The following CMSS1 variants were observed in gnomAD, a reference collection of about 807,000 sequenced individuals.
CMSS1 encodes the protein protein CMSS1.
A neutral mutation model predicts 43.5 loss-of-function variants in CMSS1; 33 were observed. The observed-to-expected ratio is 0.76, with a 90% CI of 0.57 to 1.01. CMSS1 has a LOEUF of 1.01. Among genes scored for constraint, CMSS1 ranks in the 50% least tolerant of loss-of-function variants. The pLI is 0.00. For missense variants in CMSS1, 313 were observed against 326.4 expected, an observed-to-expected ratio of 0.96 and a Z score of 0.32; for synonymous variants, 115 against 117.2, an observed-to-expected ratio of 0.98 and a Z score of 0.12.
At chr3:100,079,280 G>A (rs1300250343) in intron 1 of CMSS1, among the ~76,000 whole-genome samples, 1 of 152,184 alleles carries the variant, frequency 6.6e-6, no homozygotes, top group Admixed American at 6.5e-5. Flanking sequence ...GTTGGTCGAA[G>A]TATTCAAAAA....
At chr3:99,841,003 A>G (rs1943106783) in intron 1 of CMSS1, among the ~76,000 whole-genome samples, 1 of 152,228 alleles carries the variant, frequency 6.6e-6, no homozygotes, top group African/African-American at 2.4e-5. Context: ...GCCCAGGTTA[A>G]TAAGCTCTTC....
chr3:99,876,338 CGT>C, intron 1 of CMSS1: 1 of 447,444 alleles, frequency 2.2e-6, no homozygotes, highest in South Asian at 9.4e-5. Context: ...ATGTTCCGGC[CGT>C]GTGAACGGAC....
At chr3:100,136,674 T>C (rs1559768241) in intron 1 of CMSS1, among the ~76,000 whole-genome samples, 1 of 152,170 alleles carries the variant, frequency 6.6e-6, no homozygotes, top group Non-Finnish European at 1.5e-5. Context: ...AGCTGAGGTT[T>C]AGAGGGTAGG....
At chr3:99,971,803 C>T (rs953024722) in intron 1 of CMSS1, among the ~76,000 whole-genome samples, 5 of 152,176 alleles carry the variant, frequency 3.3e-5, no homozygotes, top group African/African-American at 9.7e-5. Context: ...AGAACAGAGT[C>T]GGTTCCTAGC....
chr3:99,944,182 G>C (rs1244957283), intron 1 of CMSS1, among the ~76,000 whole-genome samples: 1 of 152,206 alleles, frequency 6.6e-6, no homozygotes, highest in Admixed American at 6.5e-5. Flanking sequence ...TGCTAAACAA[G>C]TATTTTAAGA....
At chr3:99,830,765 C>T (rs1201200345) in intron 1 of CMSS1, among the ~76,000 whole-genome samples, 2 of 152,156 alleles carry the variant, frequency 1.3e-5, no homozygotes, top group African/African-American at 2.4e-5. Flanking sequence ...AAAAGAATGT[C>T]AGTAAAGTAA....
intron 1 of CMSS1, among the ~76,000 whole-genome samples, chr3:99,932,119 GT>G (rs924678375): frequency 1.3e-5 from 2 of 152,080 alleles, no homozygotes; most frequent in Non-Finnish European, 2.9e-5. Flanking sequence ...TTAGAAAACA[GT>G]TTTTAAGTAC....
chr3:100,074,675 A>ATTTTTTTTTTTTTTTT (rs555819875), intron 1 of CMSS1, among the ~76,000 whole-genome samples: 742 of 34,788 alleles, frequency 0.021, 282 homozygotes, highest in Middle Eastern at 0.05. Context: ...GCAACATTTG[A>ATTTTTTTTTTTTTTTT]TTTTTTTTTT....
At chr3:99,957,125 T>C (rs2107696492) in intron 1 of CMSS1, among the ~76,000 whole-genome samples, 1 of 152,358 alleles carries the variant, frequency 6.6e-6, no homozygotes, top group East Asian at 1.9e-4. Context: ...TACATTTATT[T>C]TTTATTTGAT....
intron 1 of CMSS1, among the ~76,000 whole-genome samples, chr3:100,137,147 C>G (rs1290980045): frequency 1.3e-5 from 2 of 152,222 alleles, no homozygotes; most frequent in African/African-American, 2.4e-5. Flanking sequence ...TAGTTCCCAG[C>G]CCTGGCCAAA....
intron 1 of CMSS1, among the ~76,000 whole-genome samples, chr3:100,041,965 T>C (rs571128359): frequency 3.7e-4 from 56 of 152,316 alleles, no homozygotes; most frequent in African/African-American, 1.3e-3. Context: ...ACAGGGACCA[T>C]TGCCATTCCT....
intron 1 of CMSS1, among the ~76,000 whole-genome samples, chr3:99,945,165 T>C (rs188844483): frequency 6.6e-6 from 1 of 152,228 alleles, no homozygotes; most frequent in East Asian, 1.9e-4. Context: ...ACCCTATGAG[T>C]TCGGGTTAAG....
intron 1 of CMSS1, among the ~76,000 whole-genome samples, chr3:99,890,804 T>TGG (rs1419953735): frequency 6.6e-6 from 1 of 152,106 alleles, no homozygotes; most frequent in Non-Finnish European, 1.5e-5. Flanking sequence ...TTTGCAGCTC[T>TGG]GATTCTGCCA....
chr3:99,973,484 CTCTG>C (rs1262587925), intron 1 of CMSS1, among the ~76,000 whole-genome samples: 2 of 152,082 alleles, frequency 1.3e-5, no homozygotes, highest in Admixed American at 6.5e-5. Context: ...ATGAAAATTC[CTCTG>C]TCTTTTTTTT....
intron 1 of CMSS1, among the ~76,000 whole-genome samples, chr3:100,081,103 C>G (rs1036810272): frequency 6.6e-6 from 1 of 152,162 alleles, no homozygotes; most frequent in African/African-American, 2.4e-5. Context: ...ATATTTCTAG[C>G]CCCCTTATTT....
At chr3:100,086,421 G>GA (rs374149787) in intron 1 of CMSS1, among the ~76,000 whole-genome samples, 2 of 151,696 alleles carry the variant, frequency 1.3e-5, no homozygotes, top group African/African-American at 4.8e-5. Context: ...CATAAAGGGG[G>GA]AAAAAAAATC....
intron 1 of CMSS1, among the ~76,000 whole-genome samples, chr3:100,138,898 T>A (rs1439331700): frequency 6.6e-6 from 1 of 152,176 alleles, no homozygotes; most frequent in African/African-American, 2.4e-5. Flanking sequence ...CACGCGTATG[T>A]TTATTGCAGC....
At chr3:99,981,332 C>T (rs190155619) in intron 1 of CMSS1, among the ~76,000 whole-genome samples, 21 of 152,190 alleles carry the variant, frequency 1.4e-4, no homozygotes, top group African/African-American at 4.8e-4. Flanking sequence ...CGAAGCCTTC[C>T]TGAAATGACT....
At chr3:99,889,479 T>C (rs997742332) in intron 1 of CMSS1, among the ~76,000 whole-genome samples, 4 of 152,122 alleles carry the variant, frequency 2.6e-5, no homozygotes, top group African/African-American at 7.2e-5. Flanking sequence ...GTGAGTCTCA[T>C]ATAAATAACG....
Sources: allele counts gnomAD v4.1 joint callset (sites outside exome capture counted in the v4.1 genomes callset), GRCh38; gene constraint gnomAD v4.1.1; transcripts MANE v1.5; gene names NCBI Gene and HGNC (gene_info 2026-07-23, HGNC 2026-07-21).